The following GPRIN1 variants were observed in gnomAD, a reference collection of about 807,000 sequenced individuals.
The protein encoded by GPRIN1 is G protein-regulated inducer of neurite outgrowth 1.
A neutral mutation model predicts 2.8 loss-of-function variants in GPRIN1; 4 were observed. That is an observed-to-expected ratio of 1.45 (90% confidence interval 0.71 to 3.32). The LOEUF (loss-of-function observed/expected upper bound fraction) is 3.32, where lower values mean the gene tolerates loss of function less well. Among genes scored for constraint, GPRIN1 ranks in the 30% most tolerant of loss-of-function variants. The probability of loss-of-function intolerance (pLI) is 0.01; values close to 1 mark genes in which losing one functional copy is unlikely to be tolerated. For missense variants in GPRIN1, 1,322 were observed against 1,343.4 expected, an observed-to-expected ratio of 0.98 and a Z score of 0.25; for synonymous variants, 589 against 589.9, an observed-to-expected ratio of 1.00 and a Z score of 0.02.
In GPRIN1 at chr5:176,599,072, T is replaced by C; in HGVS notation, c.763A>G (p.Arg255Gly). The change falls in exon 2 of 2, where the codon AGA (arginine) becomes GGA (glycine). Residue 255 changes from arginine to glycine, a missense_variant. Around this residue, in one of 3 missense-constraint regions of GPRIN1, gnomAD observed 1,117 missense variants for 1,128.6 expected, o/e 0.99. Coordinates refer to ENST00000303991, the MANE Select transcript of GPRIN1 (RefSeq NM_052899.3). ...SSDKVDPVFP[R>G]KEEPRYSGKE... is the part of the protein sequence containing the mutation. Reference sequence around the variant, plus strand: ...CCTGAATACCTGGGCTCCTCCTTTCTTGGGAATACAGGGTCCACTTTGTCT... The same window carrying C: ...CCTGAATACCTGGGCTCCTCCTTTCCTGGGAATACAGGGTCCACTTTGTCT... 1.2e-6 allele frequency: 2 copies of C among 1,612,960 alleles called. No homozygotes were observed. The highest frequency in any genetic ancestry group is 1.7e-6 in the Non-Finnish European group (2 of 1,179,212).
At position 176,598,747 on chromosome 5, in the gene GPRIN1, G is replaced by A; in HGVS notation, c.1088C>T (p.Thr363Ile). ...GGAGTCCTCTTTTGTGGCAGGCACA[G>A]TTTCTACATTTCCCACAGATGCGGG... ...ADPASVGNVE[T>I]VPATKEDSRF... Residue 363 changes from threonine to isoleucine, a missense_variant, in exon 2 of 2, where the codon ACT becomes ATT. Thr to Ile is a moderately conservative substitution (Grantham distance 89). This residue lies in a region of GPRIN1 where 1,117 missense variants were observed against 1,128.6 expected (regional missense o/e 0.99). Transcript: ENST00000303991. The A allele has an allele frequency of 1.2e-6, 2 of 1,613,604 alleles. No individual in the cohort carries two copies.
chr5:176,601,524 G>GGT (rs1333675960), intron 1 of GPRIN1, among the ~76,000 whole-genome samples: 1 of 152,124 alleles, frequency 6.6e-6, no homozygotes, highest in Non-Finnish European at 1.5e-5. Flanking sequence ...CTAGGGTGAG[G>GGT]GCTGCTGGGT....
chr5:176,598,936 ATGGGATCTGCCTTTCC>A lies in GPRIN1; in HGVS notation c.883_898del (p.Gly295CysfsTer22). ...CGCAGAATCCATGCTTTCCAAGGGC[ATGGGATCTGCCTTTCC>A]CGAGGGCCCAGGATCTCTCTTTCCC... On this transcript the variant is annotated frameshift_variant, in exon 2 of 2. Coordinates refer to ENST00000303991, the MANE Select transcript of GPRIN1 (RefSeq NM_052899.3). LOFTEE classifies it low-confidence loss of function (END_TRUNC). 6.2e-7 allele frequency: 1 copy of A among 1,614,018 alleles called. No homozygotes were observed. Among genetic ancestry groups the A allele is most frequent in the Non-Finnish European group, 8.5e-7 (1 of 1,179,920 alleles).
chr5:176,601,083 A>T (rs73806037), intron 1 of GPRIN1, among the ~76,000 whole-genome samples: 21 of 134,906 alleles, frequency 1.6e-4, no homozygotes, highest in Admixed American at 3.6e-4. Context: ...TTAAAGGTTT[A>T]AAAAAAAAAA....
chr5:176,598,335 C>T lies in GPRIN1; in HGVS notation c.1500G>A (p.Leu500=), dbSNP rs756062803. 1.2e-5 allele frequency: 19 copies of T among 1,613,810 alleles called. No individual in the cohort carries two copies. Among genetic ancestry groups the T allele is most frequent in the Admixed American group, 1.7e-5 (1 of 60,012 alleles). ...CTGCAGATGGGGGACCTGCTGTCCC[C>T]AAGGACCTGGGATCGCCTGGACCTG... is the stretch of plus-strand genomic sequence containing the variant. ...VSSGPGDPRS[L]GTAGPPSAVK... Residue 500 remains leucine, a synonymous_variant, in exon 2 of 2, where the codon TTG becomes TTA. Transcript: ENST00000303991.
chr5:176,595,826 GTA>G lies in GPRIN1; in HGVS notation c.*980_*981del. 1 of 741,586 alleles carries G rather than the reference GTA, an allele frequency of 1.3e-6. No homozygotes were observed. 45.9% of individuals were successfully genotyped at this position (741,586 alleles called of 1,614,324 possible). The stretch of plus-strand genomic sequence containing the variant: ...GTTGGGGAAATATTTTATTACCAAT[GTA>G]TACTGTGACAGTTTGTAGCCAAAAA... On this transcript the variant is annotated 3_prime_UTR_variant, in exon 2 of 2. Coordinates refer to ENST00000303991, the MANE Select transcript of GPRIN1 (RefSeq NM_052899.3).
intron 1 of GPRIN1, among the ~76,000 whole-genome samples, chr5:176,605,010 G>A (rs1048793264): frequency 6.6e-6 from 1 of 151,928 alleles, no homozygotes; most frequent in African/African-American, 2.4e-5. Context: ...TGGGATTACA[G>A]ACATGAGCTA....
chr5:176,603,812 A>G (rs1317201828), intron 1 of GPRIN1, among the ~76,000 whole-genome samples: 4 of 152,210 alleles, frequency 2.6e-5, no homozygotes, highest in Non-Finnish European at 4.4e-5. Flanking sequence ...AATTGAGTCC[A>G]TCTTCATCTT....
Position 176,599,247 on chromosome 5 carries a change from C to G in GPRIN1, c.588G>C (p.Val196=). Residue 196 remains valine, a synonymous_variant, in exon 2 of 2, where the codon GTG becomes GTC. Transcript: ENST00000303991. ...TCATGGGATCCATCCTTCCAGGAGC[C>G]ACAGGATCCCCCTTTCCCAAGATTT... ...EPEILGKGDP[V]APGRMDPMTV... 2 of 1,613,974 alleles carry G rather than the reference C, an allele frequency of 1.2e-6. 1 individual carries two copies. Among genetic ancestry groups the G allele is most frequent in the African/African-American group, 2.7e-5 (2 of 75,036 alleles).
chr5:176,597,090 C>G lies in GPRIN1; in HGVS notation c.2745G>C (p.Trp915Cys). The change falls in exon 2 of 2, where the codon TGG becomes TGC. Residue 915 changes from tryptophan to cysteine, a missense_variant. Trp to Cys is a radical substitution (Grantham distance 215, BLOSUM62 -2). This residue lies in a region of GPRIN1 where 196 missense variants were observed against 189.2 expected (regional missense o/e 1.04). Coordinates refer to ENST00000303991, the MANE Select transcript of GPRIN1 (RefSeq NM_052899.3). The surrounding 1 kb of genome is among the most constrained non-coding windows in gnomAD (Gnocchi z 6.1). ...CCTCCCACGTCATGCCCTTCTCGTC[C>G]CAGCTCACGTCTCGCACGGGCTCAG... ...EPAEPVRDVS[W>C]DEKGMTWEVY... 6.7e-7 allele frequency: 1 copy of G among 1,495,392 alleles called. No individual in the cohort carries two copies. Among genetic ancestry groups the G allele is most frequent in the South Asian group, 1.3e-5 (1 of 78,000 alleles). The allele number at this position is 1,495,392 out of a possible 1,614,324, so 92.6% of individuals were successfully genotyped here. A position where few individuals can be genotyped will look rare whatever the true frequency, so the allele number is the denominator to read the frequency against.
Position 176,596,833 on chromosome 5 carries a change from G to T in GPRIN1, c.3002C>A (p.Ser1001Ter). The T allele has an allele frequency of 1.4e-6, 2 of 1,411,976 alleles. No individual in the cohort carries two copies. Among genetic ancestry groups the T allele is most frequent in the South Asian group, 1.6e-5 (1 of 63,644 alleles). 87.5% of individuals were successfully genotyped at this position (1,411,976 alleles called of 1,614,324 possible). Residue 1001 changes from serine (S) to a stop codon, truncating the protein, a stop_gained, in exon 2 of 2, where the codon TCG becomes TAG. Transcript: ENST00000303991. LOFTEE classifies it high-confidence loss of function. The surrounding 1 kb of genome is among the most constrained non-coding windows in gnomAD (Gnocchi z 5.2). ...LQSVRRPRCC[S>*]RAGPTAE ...TCACTCGGCCGTGGGTCCCGCCCGC[G>T]AGCAGCACCGCGGCCGGCGCACACT...
Position 176,597,498 on chromosome 5 carries a change from T to C in GPRIN1, c.2337A>G (p.Pro779=), listed in dbSNP as rs1326742914. ...GCCCCGGCGGGGGCGCTGCGGCCTCTGGGCAGGGGCTTCTCTCGGCCCCAG... is the reference window on the plus strand; with the variant it reads ...GCCCCGGCGGGGGCGCTGCGGCCTCCGGGCAGGGGCTTCTCTCGGCCCCAG... ...EAAGAERSPC[P]EAAAPPPGPR... Residue 779 remains proline, a synonymous_variant, in exon 2 of 2, where the codon CCA becomes CCG. Coordinates refer to ENST00000303991, the MANE Select transcript of GPRIN1 (RefSeq NM_052899.3). This position sits in a 1 kb window ranked among gnomAD's most constrained non-coding sequence, Gnocchi z 6.1. The C allele has an allele frequency of 4.4e-6, 6 of 1,376,396 alleles. No individual in the cohort carries two copies. The African/African-American group carries it at 4.6e-5, about 10-fold the overall frequency. 85.3% of individuals were successfully genotyped at this position (1,376,396 alleles called of 1,614,324 possible).
In GPRIN1 at chr5:176,599,546, T is replaced by C. The variant is rs1342335426; in HGVS notation, c.289A>G (p.Thr97Ala). Reference sequence around the variant, plus strand: ...GGTGACTCCTGGGGAGAGAAGCAGGTTGGGGAGGGGCAGGCCAGGCTCCCT... The same window carrying C: ...GGTGACTCCTGGGGAGAGAAGCAGGCTGGGGAGGGGCAGGCCAGGCTCCCT... ...PRGSLACPSPTCFSPQESPSK... is the reference protein window; with the variant it reads ...PRGSLACPSPACFSPQESPSK... Residue 97 changes from threonine to alanine, a missense_variant, in exon 2 of 2, where the codon ACC (threonine) becomes GCC (alanine). Around this residue, in one of 3 missense-constraint regions of GPRIN1, gnomAD observed 1,117 missense variants for 1,128.6 expected, o/e 0.99. Coordinates refer to ENST00000303991, the MANE Select transcript of GPRIN1 (RefSeq NM_052899.3). 6.3e-7 allele frequency: 1 copy of C among 1,593,312 alleles called. No individual in the cohort carries two copies. Among genetic ancestry groups the C allele is most frequent in the Non-Finnish European group, 8.6e-7 (1 of 1,169,568 alleles).
chr5:176,598,615 T>C lies in GPRIN1; in HGVS notation c.1220A>G (p.Asn407Ser), dbSNP rs965844930. 1.9e-6 allele frequency: 3 copies of C among 1,614,036 alleles called. No homozygotes were observed. Among genetic ancestry groups the C allele is most frequent in the Non-Finnish European group, 2.5e-6 (3 of 1,180,030 alleles). The change falls in exon 2 of 2, where the codon AAT becomes AGT. Residue 407 changes from asparagine (N) to serine (S), a missense_variant. Around this residue, in one of 3 missense-constraint regions of GPRIN1, gnomAD observed 1,117 missense variants for 1,128.6 expected, o/e 0.99. Coordinates refer to ENST00000303991, the MANE Select transcript of GPRIN1 (RefSeq NM_052899.3). Reference sequence around the variant, plus strand: ...CTTGCCTGAAGACATGGGATCCACATTTTTCAAAGATGTGAGATCTGTCTT... The same window carrying C: ...CTTGCCTGAAGACATGGGATCCACACTTTTCAAAGATGTGAGATCTGTCTT... ...SAKTDLTSLKNVDPMSSGKVD... is the reference protein window; with the variant it reads ...SAKTDLTSLKSVDPMSSGKVD...
intron 1 of GPRIN1, among the ~76,000 whole-genome samples, chr5:176,606,021 G>T (rs1350412447): frequency 1.3e-5 from 2 of 152,124 alleles, no homozygotes; most frequent in Admixed American, 1.3e-4. Context: ...AGCCCTGGAA[G>T]CCCAGCCCTG....
In GPRIN1 at chr5:176,597,607, C is replaced by A; in HGVS notation, c.2228G>T (p.Gly743Val). 3 of 1,599,648 alleles carry A rather than the reference C, an allele frequency of 1.9e-6. No individual in the cohort carries two copies. The highest frequency in any genetic ancestry group is 2.2e-5 in the South Asian group (2 of 90,898). Residue 743 changes from glycine (G) to valine (V), a missense_variant, in exon 2 of 2, where the codon GGC (glycine) becomes GTC (valine). Around this residue, in one of 3 missense-constraint regions of GPRIN1, gnomAD observed 1,117 missense variants for 1,128.6 expected, o/e 0.99. Coordinates refer to ENST00000303991, the MANE Select transcript of GPRIN1 (RefSeq NM_052899.3). The surrounding 1 kb of genome is among the most constrained non-coding windows in gnomAD (Gnocchi z 6.1). Reference protein sequence around the residue: ...GSARSPEGARGSEGRVEPKAE... With the variant: ...GSARSPEGARVSEGRVEPKAE... ...CTTCGGCTCCACGCGGCCTTCACTG[C>A]CCCTGGCACCCTCGGGAGACCGGGC... is the stretch of plus-strand genomic sequence containing the variant.
In GPRIN1 at chr5:176,596,936, G is replaced by A; in HGVS notation, c.2899C>T (p.Arg967Cys). Residue 967 changes from arginine to cysteine, a missense_variant, in exon 2 of 2, where the codon CGT (arginine) becomes TGT (cysteine). Arg to Cys is a radical substitution (Grantham distance 180). Transcript: ENST00000303991. The surrounding 1 kb of genome is among the most constrained non-coding windows in gnomAD (Gnocchi z 5.2). ...PPPAARAGPG[R>C]SGSVRTAPPD... Reference sequence around the variant, plus strand: ...GGCGCGGTGCGCACCGAGCCCGAACGGCCGGGGCCGGCACGGGCGGCGGGC... The same window carrying A: ...GGCGCGGTGCGCACCGAGCCCGAACAGCCGGGGCCGGCACGGGCGGCGGGC... 2 of 1,223,388 alleles carry A rather than the reference G, an allele frequency of 1.6e-6. No individual in the cohort carries two copies. The highest frequency in any genetic ancestry group is 3.7e-5 in the South Asian group (1 of 26,860). 75.8% of individuals were successfully genotyped at this position (1,223,388 alleles called of 1,614,324 possible). A position where few individuals can be genotyped will look rare whatever the true frequency, so the allele number is the denominator to read the frequency against.
At chr5:176,605,196 C>G (rs939389428) in intron 1 of GPRIN1, among the ~76,000 whole-genome samples, 3 of 151,232 alleles carry the variant, frequency 2.0e-5, no homozygotes, top group Non-Finnish European at 4.4e-5. Context: ...CGGGTTCAAG[C>G]AATTCTCGTA....
In GPRIN1 at chr5:176,598,035, A is replaced by G; in HGVS notation, c.1800T>C (p.Ala600=). The stretch of plus-strand genomic sequence containing the variant: ...GAGAACCCACTTTTCCCTCTGGGAT[A>G]GCTTCTGCTTTTCCCAGGGACACGG... ...VDPVSLGKAE[A]IPEGKVGSLP... is the part of the protein sequence containing the mutation. The change falls in exon 2 of 2, where the codon GCT becomes GCC. Residue 600 remains alanine, a synonymous_variant. Transcript: ENST00000303991. The G allele has an allele frequency of 6.2e-7, 1 of 1,613,894 alleles. No individual in the cohort carries two copies. Among genetic ancestry groups the G allele is most frequent in the East Asian group, 2.2e-5 (1 of 44,836 alleles).
Sources: gnomAD v4.1 joint callset for allele counts (sites outside exome capture counted in the v4.1 genomes callset) on GRCh38, gnomAD v4.1.1 for gene constraint, gnomAD v4.1.1 regional missense constraint, Gnocchi (gnomAD v3.1) non-coding constraint, MANE v1.5 for transcripts, NCBI Gene and HGNC (gene_info 2026-07-23, HGNC 2026-07-21) for gene names.